The following NKAIN3 variants were observed in gnomAD, a reference collection of about 807,000 sequenced individuals.
NKAIN3 encodes sodium/potassium transporting ATPase interacting 3.
Under a neutral mutation model 30.2 loss-of-function variants are expected in NKAIN3, and 25 were observed. The ratio of observed to expected loss-of-function variants is 0.83; its 90% CI spans 0.60 to 1.16. NKAIN3 has a LOEUF of 1.16. Among genes scored for constraint, NKAIN3 ranks in the 50% most tolerant of loss-of-function variants. NKAIN3 has a pLI of 0.00. For synonymous variants in NKAIN3, 91 were observed against 89.6 expected, an observed-to-expected ratio of 1.02 and a Z score of -0.09; for missense variants, 225 against 254.1, an observed-to-expected ratio of 0.89 and a Z score of 0.78.
chr8:62,529,181 A>G (rs747649908), intron 1 of NKAIN3, among the ~76,000 whole-genome samples: 1 of 152,134 alleles, frequency 6.6e-6, no homozygotes, highest in Non-Finnish European at 1.5e-5. Flanking sequence ...TCTGCTACTC[A>G]AGAAAGCAAA....
At chr8:62,615,229 G>A (rs976651145) in intron 3 of NKAIN3, among the ~76,000 whole-genome samples, 3 of 152,114 alleles carry the variant, frequency 2.0e-5, no homozygotes, top group African/African-American at 7.2e-5. Context: ...AATGCTGCCA[G>A]GACTGGGTCC....
intron 3 of NKAIN3, among the ~76,000 whole-genome samples, chr8:62,608,014 A>T (rs899830093): frequency 6.6e-6 from 1 of 152,050 alleles, no homozygotes; most frequent in Non-Finnish European, 1.5e-5. Context: ...GTAACTATTT[A>T]AAAAAATTGT....
intron 1 of NKAIN3, among the ~76,000 whole-genome samples, chr8:62,457,471 G>A (rs1805856213): frequency 6.6e-6 from 1 of 152,098 alleles, no homozygotes; most frequent in African/African-American, 2.4e-5. Flanking sequence ...TCTGTTGGAG[G>A]GTAAGCATGC....
chr8:62,350,785 G>T (rs760552443), intron 1 of NKAIN3, among the ~76,000 whole-genome samples: 13 of 151,952 alleles, frequency 8.6e-5, no homozygotes, highest in Non-Finnish European at 1.8e-4. Flanking sequence ...CTGCCTCCCG[G>T]GTTCAAGCGA....
intron 1 of NKAIN3, among the ~76,000 whole-genome samples, chr8:62,501,219 T>A (rs1807439981): frequency 6.6e-6 from 1 of 152,098 alleles, no homozygotes; most frequent in Non-Finnish European, 1.5e-5. Flanking sequence ...TATGAAAACA[T>A]GGGAGATAAA....
At chr8:62,309,656 C>A (rs940573590) in intron 1 of NKAIN3, among the ~76,000 whole-genome samples, 2 of 150,170 alleles carry the variant, frequency 1.3e-5, no homozygotes, top group African/African-American at 5.0e-5. Flanking sequence ...TCAGACCCAT[C>A]TAGTGTGTGT....
intron 1 of NKAIN3, among the ~76,000 whole-genome samples, chr8:62,541,965 T>C (rs1808858996): frequency 6.6e-6 from 1 of 152,184 alleles, no homozygotes; most frequent in African/African-American, 2.4e-5. Flanking sequence ...AATAAAAAAC[T>C]CCATTCATGT....
intron 1 of NKAIN3, among the ~76,000 whole-genome samples, chr8:62,405,647 G>T (rs1804040560): frequency 6.6e-6 from 1 of 152,218 alleles, no homozygotes; most frequent in Admixed American, 6.5e-5. Context: ...GTGGTGTGGG[G>T]GTGGTGTGGT....
At chr8:62,620,848 A>G (rs138399791) in intron 3 of NKAIN3, among the ~76,000 whole-genome samples, 1 of 152,298 alleles carries the variant, frequency 6.6e-6, no homozygotes, top group African/African-American at 2.4e-5. Context: ...TTTTCAAAGT[A>G]ATGAAAGTTG....
intron 4 of NKAIN3, among the ~76,000 whole-genome samples, chr8:62,824,268 A>C (rs1053659234): frequency 3.3e-5 from 5 of 152,242 alleles, no homozygotes; most frequent in African/African-American, 1.2e-4. Flanking sequence ...TAGCTGAGAG[A>C]ATGAGTACTT....
intron 1 of NKAIN3, among the ~76,000 whole-genome samples, chr8:62,377,088 T>G (rs970467332): frequency 5.9e-5 from 9 of 152,194 alleles, no homozygotes; most frequent in Non-Finnish European, 8.8e-5. Context: ...AAGGTTAATG[T>G]AATGGAAAAT....
At chr8:62,701,633 G>GA in intron 3 of NKAIN3, among the ~76,000 whole-genome samples, 1 of 152,140 alleles carries the variant, frequency 6.6e-6, no homozygotes, top group Middle Eastern at 3.4e-3. Flanking sequence ...ATTATATGTG[G>GA]AAAAAAATGA....
At chr8:62,661,433 T>C (rs1413954347) in intron 3 of NKAIN3, among the ~76,000 whole-genome samples, 3 of 152,228 alleles carry the variant, frequency 2.0e-5, no homozygotes, top group Non-Finnish European at 4.4e-5. Context: ...CATTTTTTAA[T>C]TTTCTCTAGC....
intron 1 of NKAIN3, among the ~76,000 whole-genome samples, chr8:62,442,872 A>G (rs1307107110): frequency 6.6e-6 from 1 of 151,936 alleles, no homozygotes; most frequent in Non-Finnish European, 1.5e-5. Flanking sequence ...GGATACAAAT[A>G]TGTCCATTTT....
In NKAIN3 at chr8:62,829,864, A is replaced by C. The variant is rs556364058; in HGVS notation, c.471+82735A>C. 1.1e-4 allele frequency among the ~76,000 whole-genome samples: 17 copies of C among 152,298 alleles called. No individual in the cohort carries two copies. In the South Asian group the frequency reaches 3.3e-3, roughly 30 times the overall value. ...ATTCATTAGCAATATTAATGGCTAAACTAGACTCCCATAAGGTATTCTTTT... is the reference window on the plus strand; with the variant it reads ...ATTCATTAGCAATATTAATGGCTAACCTAGACTCCCATAAGGTATTCTTTT... On this transcript the variant is annotated intron_variant, in intron 4 of 6. Coordinates refer to ENST00000623646, the MANE Select transcript of NKAIN3 (RefSeq NM_001304533.3).
chr8:62,870,697 A>ATATATCTATTTCTC (rs1820609638), intron 4 of NKAIN3, among the ~76,000 whole-genome samples: 2 of 107,836 alleles, frequency 1.9e-5, no homozygotes, highest in African/African-American at 7.8e-5. Flanking sequence ...CTCTCTATCT[A>ATATATCTATTTCTC]TATATCTATA....
chr8:62,711,587 G>A (rs1814719448), intron 3 of NKAIN3, among the ~76,000 whole-genome samples: 1 of 40,108 alleles, frequency 2.5e-5, no homozygotes, highest in Non-Finnish European at 6.7e-5. Context: ...TTCCTGAATT[G>A]TTTATTGTTT....
rs2130914588 is a variant in NKAIN3 at position 62,971,784 on chromosome 8, A to C, written c.*6377A>C. 6.6e-6 allele frequency among the ~76,000 whole-genome samples: 1 copy of C among 152,360 alleles called. No individual in the cohort carries two copies. Among genetic ancestry groups the C allele is most frequent in the Non-Finnish European group, 1.5e-5 (1 of 68,044 alleles). On this transcript the variant is annotated 3_prime_UTR_variant, in exon 7 of 7. Transcript: ENST00000623646. ...GTAGTACTTTATAACACATTCTAGA[A>C]AAAATGTACATATATTCTTCAGTAC...
At chr8:62,411,091 CAAT>C (rs574003314) in intron 1 of NKAIN3, among the ~76,000 whole-genome samples, 16 of 151,982 alleles carry the variant, frequency 1.1e-4, no homozygotes, top group South Asian at 4.2e-4. Context: ...ACAATAACAA[CAAT>C]AACAACAAAA....
Sources: gnomAD v4.1 joint callset for allele counts (sites outside exome capture counted in the v4.1 genomes callset) on GRCh38, gnomAD v4.1.1 for gene constraint, MANE v1.5 for transcripts, NCBI Gene and HGNC (gene_info 2026-07-23, HGNC 2026-07-21) for gene names.